Variants in NXPH4 observed in about 807,000 individuals in gnomAD.
NXPH4 encodes the protein neurexophilin 4.
Under a neutral mutation model 21.3 loss-of-function variants are expected in NXPH4, and 8 were observed. The ratio of observed to expected loss-of-function variants is 0.38; its 90% CI spans 0.22 to 0.68. The LOEUF is 0.68. Among genes scored for constraint, NXPH4 ranks in the 30% least tolerant of loss-of-function variants. The pLI, the probability that NXPH4 is intolerant of heterozygous loss-of-function variation, is 0.53. For missense variants in NXPH4, 418 were observed against 416.8 expected (o/e 1.00, Z -0.03); for synonymous variants, 219 against 192.6 (o/e 1.14, Z -1.13).
At position 57,226,332 on chromosome 12, in the gene NXPH4, C is replaced by T; in HGVS notation, c.*585C>T. The T allele has an allele frequency of 4.4e-6, 1 of 227,298 alleles. No individual in the cohort carries two copies. Among genetic ancestry groups the T allele is most frequent in the Non-Finnish European group, 8.5e-6 (1 of 117,250 alleles). The allele number at this position is 227,298 out of a possible 1,614,324, so 14.1% of individuals were successfully genotyped here. A position where few individuals can be genotyped will look rare whatever the true frequency, so the allele number is the denominator to read the frequency against. On this transcript the variant is annotated 3_prime_UTR_variant, in exon 2 of 2. Transcript: ENST00000349394. Reference sequence around the variant, plus strand: ...CCCCCGGCCCCTGCCCCTGCCCGCCCCCCTCCAGTCCAGGCAGTCGAGCTC... The same window carrying T: ...CCCCCGGCCCCTGCCCCTGCCCGCCTCCCTCCAGTCCAGGCAGTCGAGCTC...
rs1301368117 is a variant in NXPH4, at chr12:57,225,528, G to A, written c.708G>A (p.Glu236=). Residue 236 remains glutamate, a synonymous_variant, in exon 2 of 2, where the codon GAG becomes GAA. Transcript: ENST00000349394. ...KESRAFNCHV[E]YEKTNRARKH... is the part of the protein sequence containing the mutation. ...CACGCGCTTTCAATTGCCACGTGGA[G>A]TATGAGAAGACAAACCGCGCGCGCA... 3.1e-6 allele frequency: 5 copies of A among 1,612,728 alleles called. No homozygotes were observed. In the South Asian group the frequency reaches 4.4e-5, roughly 14 times the overall value.
intron 1 of NXPH4, among the ~76,000 whole-genome samples, chr12:57,224,620 T>C (rs2136772506): frequency 6.6e-6 from 1 of 152,340 alleles, no homozygotes; most frequent in East Asian, 1.9e-4. Context: ...ATTGGAGCTC[T>C]GTGGGCCACA....
chr12:57,221,487 C>T, intron 1 of NXPH4: 1 of 384,298 alleles, frequency 2.6e-6, no homozygotes, highest in South Asian at 1.8e-5. Context: ...CAAAGAGCCA[C>T]TCCCCGAAGT....
intron 1 of NXPH4, among the ~76,000 whole-genome samples, chr12:57,222,874 G>A (rs996388878): frequency 1.2e-4 from 18 of 152,228 alleles, no homozygotes; most frequent in Non-Finnish European, 1.5e-5. Context: ...TGTATGACGA[G>A]CGGGTGGTGG....
At chr12:57,223,102 TC>T (rs1311510635) in intron 1 of NXPH4, among the ~76,000 whole-genome samples, 3 of 152,044 alleles carry the variant, frequency 2.0e-5, no homozygotes, top group Admixed American at 6.5e-5. Flanking sequence ...CAGAGACCAC[TC>T]AGATACAATT....
chr12:57,221,174 T>G (rs2037087927), intron 1 of NXPH4: 2 of 370,754 alleles, frequency 5.4e-6, no homozygotes, highest in South Asian at 3.9e-5. Flanking sequence ...CAGGCTGTCC[T>G]GTCCACCCCA....
chr12:57,223,442 G>A (rs574272976), intron 1 of NXPH4, among the ~76,000 whole-genome samples: 2 of 151,802 alleles, frequency 1.3e-5, no homozygotes, highest in East Asian at 1.9e-4. Context: ...ACACACACAG[G>A]CTCCTCAGAC....
At chr12:57,217,595 C>T (rs1041462810) in intron 1 of NXPH4, among the ~76,000 whole-genome samples, 1 of 152,172 alleles carries the variant, frequency 6.6e-6, no homozygotes, top group African/African-American at 2.4e-5. Flanking sequence ...CTCCCCTGCA[C>T]GACCTCACAG....
intron 1 of NXPH4, 45 bp from the exon 2 acceptor site, chr12:57,224,832 CG>C: frequency 1.7e-6 from 1 of 597,076 alleles, no homozygotes; most frequent in Non-Finnish European, 2.7e-6. Flanking sequence ...GGCAGGATGG[CG>C]GGGGACAACC....
Position 57,225,307 on chromosome 12 carries a change from T to C in NXPH4, c.487T>C (p.Phe163Leu). The C allele has an allele frequency of 6.4e-7, 1 of 1,555,492 alleles. No individual in the cohort carries two copies. The highest frequency in any genetic ancestry group is 8.7e-7 in the Non-Finnish European group (1 of 1,152,580). ...SIVPPSKRVE[F>L]GGVWLPGPVP... The stretch of plus-strand genomic sequence containing the variant: ...CGTGCCGCCCTCCAAGCGTGTCGAG[T>C]TCGGAGGAGTCTGGCTGCCCGGGCC... Residue 163 changes from phenylalanine to leucine, a missense_variant, in exon 2 of 2, where the codon TTC becomes CTC. By Grantham distance (22) the Phe-to-Leu change is conservative. Coordinates refer to ENST00000349394, the MANE Select transcript of NXPH4 (RefSeq NM_007224.4).
At chr12:57,217,170 A>C (rs2037048202) in intron 1 of NXPH4, 144 bp downstream of exon 1, 1 of 718,762 alleles carries the variant, frequency 1.4e-6, no homozygotes, top group Non-Finnish European at 2.2e-6. Context: ...GCGGACAGAC[A>C]GACTGCCCGA....
Position 57,225,400 on chromosome 12 carries a change from G to C in NXPH4, c.580G>C (p.Gly194Arg). ...GVLPGLGPPLGMAAAAAGPGL... is the reference protein window; with the variant it reads ...GVLPGLGPPLRMAAAAAGPGL... ...GCTTCCTGGGCTGGGGCCCCCGCTG[G>C]GGATGGCAGCAGCAGCGGCGGGGCC... The change falls in exon 2 of 2, where the codon GGG becomes CGG. Residue 194 changes from glycine (G) to arginine (R), a missense_variant. By Grantham distance (125) the Gly-to-Arg change is moderately radical. Transcript: ENST00000349394. 1 of 1,600,338 alleles carries C rather than the reference G, an allele frequency of 6.2e-7. No homozygotes were observed. The highest frequency in any genetic ancestry group is 8.5e-7 in the Non-Finnish European group (1 of 1,176,898).
At chr12:57,224,836 G>A (rs61736007) in intron 1 of NXPH4, 42 bp from the exon 2 acceptor site, 149,116 of 614,472 alleles carry the variant, frequency 0.24, 20,182 homozygotes, top group Admixed American at 0.37. Flanking sequence ...GGATGGCGGG[G>A]GACAACCCCA....
intron 1 of NXPH4, chr12:57,221,549 G>A (rs1024707197): frequency 4.9e-5 from 17 of 343,898 alleles, no homozygotes; most frequent in Non-Finnish European, 8.3e-5. Context: ...CTGCAGGTGC[G>A]TGGGCCCGCT....
chr12:57,219,569 G>C (rs906332242), intron 1 of NXPH4, among the ~76,000 whole-genome samples: 1 of 152,160 alleles, frequency 6.6e-6, no homozygotes, highest in South Asian at 2.1e-4. Flanking sequence ...CTGGCTGGCC[G>C]AAGCCCCTCA....
chr12:57,218,814 G>A (rs2037063161), intron 1 of NXPH4, among the ~76,000 whole-genome samples: 1 of 152,188 alleles, frequency 6.6e-6, no homozygotes, highest in African/African-American at 2.4e-5. Context: ...TGCACGGGGA[G>A]GTGTGGGTAT....
chr12:57,221,099 C>T (rs2037087262), intron 1 of NXPH4, among the ~76,000 whole-genome samples: 1 of 152,106 alleles, frequency 6.6e-6, no homozygotes, highest in Non-Finnish European at 1.5e-5. Context: ...CATCCCTGTA[C>T]TCTATATCTG....
chr12:57,220,201 G>A (rs2037076874), intron 1 of NXPH4, among the ~76,000 whole-genome samples: 1 of 152,118 alleles, frequency 6.6e-6, no homozygotes, highest in Non-Finnish European at 1.5e-5. Flanking sequence ...AGGGAGCGCT[G>A]CCTTGAGCGC....
chr12:57,220,205 TG>T (rs1234200474), intron 1 of NXPH4, among the ~76,000 whole-genome samples: 3 of 152,060 alleles, frequency 2.0e-5, no homozygotes, highest in Non-Finnish European at 4.4e-5. Flanking sequence ...AGCGCTGCCT[TG>T]AGCGCTGGAA....
Sources: gnomAD v4.1 joint callset for allele counts (sites outside exome capture counted in the v4.1 genomes callset) on GRCh38, gnomAD v4.1.1 for gene constraint, MANE v1.5 for transcripts, NCBI Gene and HGNC (gene_info 2026-07-23, HGNC 2026-07-21) for gene names.